The following SOX13 variants were observed in gnomAD, a reference collection of about 807,000 sequenced individuals.
SOX13 encodes the protein SRY-box transcription factor 13, also known as transcription factor SOX-13.
A neutral mutation model predicts 71.8 loss-of-function variants in SOX13; 28 were observed. That is an observed-to-expected ratio of 0.39 (90% CI 0.29 to 0.53). SOX13 has a LOEUF of 0.53. SOX13 is among the 20% of genes least tolerant of loss of function. The pLI, the probability that SOX13 is intolerant of heterozygous loss-of-function variation, is 0.70. For synonymous variants in SOX13, 309 were observed against 317.8 expected, an observed-to-expected ratio of 0.97 and a Z score of 0.29; for missense variants, 627 against 810.3, an observed-to-expected ratio of 0.77 and a Z score of 2.75.
chr1:204,104,349 T>A (rs1205280522), intron 1 of SOX13, among the ~76,000 whole-genome samples: 1 of 152,212 alleles, frequency 6.6e-6, no homozygotes, highest in Non-Finnish European at 1.5e-5. Flanking sequence ...TGAGAGGGAC[T>A]CGCAGGAAAG....
At chr1:204,094,686 T>A (rs1656215379) in intron 1 of SOX13, among the ~76,000 whole-genome samples, 1 of 152,176 alleles carries the variant, frequency 6.6e-6, no homozygotes, top group African/African-American at 2.4e-5. Context: ...TGCCATCAGC[T>A]CTTCCTGCAC....
Position 204,123,840 on chromosome 1 carries a change from A to C in SOX13, c.1375+36A>C, listed in dbSNP as rs758601250. Reference sequence around the variant, plus strand: ...GTGGCTGGGGCCATGGTTCAGTGTGACCTGGTTGCAGGAGCCAGCTGGGTC... The same window carrying C: ...GTGGCTGGGGCCATGGTTCAGTGTGCCCTGGTTGCAGGAGCCAGCTGGGTC... On this transcript the variant is annotated intron_variant, in intron 12 of 13. Coordinates refer to ENST00000367204, the MANE Select transcript of SOX13 (RefSeq NM_005686.3). The surrounding 1 kb of genome is among the most constrained non-coding windows in gnomAD (Gnocchi z 5.0). 6.2e-7 allele frequency: 1 copy of C among 1,609,854 alleles called. No homozygotes were observed. Among genetic ancestry groups the C allele is most frequent in the South Asian group, 1.1e-5 (1 of 90,972 alleles).
chr1:204,097,713 A>G (rs902860695), intron 1 of SOX13, among the ~76,000 whole-genome samples: 1 of 151,692 alleles, frequency 6.6e-6, no homozygotes, highest in African/African-American at 2.4e-5. Context: ...AAAAAAGAAA[A>G]GAAAAGAAAA....
At chr1:204,124,579 T>A in intron 12 of SOX13, 62 bp from the exon 13 acceptor site, 1 of 1,428,506 alleles carries the variant, frequency 7.0e-7, no homozygotes, top group South Asian at 1.2e-5. Flanking sequence ...AGGTCCTGCA[T>A]GGGGCTGGGG....
At chr1:204,122,653 A>G (rs1280622578) in intron 9 of SOX13, 3 of 605,104 alleles carry the variant, frequency 5.0e-6, no homozygotes, top group South Asian at 2.0e-5. Flanking sequence ...GTCTATTGAC[A>G]TGCACAATAA....
chr1:204,091,213 A>T (rs1327205649), intron 1 of SOX13, among the ~76,000 whole-genome samples: 1 of 152,170 alleles, frequency 6.6e-6, no homozygotes, highest in African/African-American at 2.4e-5. Context: ...GTGGGTTCCC[A>T]GGGCTGCCAC....
chr1:204,086,976 G>A (rs1656035439), intron 1 of SOX13, among the ~76,000 whole-genome samples: 1 of 151,550 alleles, frequency 6.6e-6, no homozygotes, highest in South Asian at 2.1e-4. Context: ...AGGCTGGAGT[G>A]CAGTGGCGCG....
At chr1:204,107,313 C>T (rs753204348) in intron 1 of SOX13, among the ~76,000 whole-genome samples, 1 of 152,162 alleles carries the variant, frequency 6.6e-6, no homozygotes, top group African/African-American at 2.4e-5. Flanking sequence ...TCAAACCCTG[C>T]GGGTCTTCCA....
rs375819556 is a variant in SOX13 at position 204,127,172 on chromosome 1, C to T, written c.*1038C>T. The stretch of plus-strand genomic sequence containing the variant: ...CGCCCCTGGTCCCAACCTGATCCCA[C>T]GAGGGAGTTGGGACAGGAGGATTGA... On this transcript the variant is annotated 3_prime_UTR_variant, in exon 14 of 14. Transcript: ENST00000367204. 5 of 152,438 alleles carry T rather than the reference C, an allele frequency of 3.3e-5. No individual in the cohort carries two copies. Among genetic ancestry groups the T allele is most frequent in the Middle Eastern group, 3.4e-3 (1 of 294 alleles). 9.4% of individuals were successfully genotyped at this position (152,438 alleles called of 1,614,324 possible). A position where few individuals can be genotyped will look rare whatever the true frequency, so the allele number is the denominator to read the frequency against.
intron 1 of SOX13, among the ~76,000 whole-genome samples, chr1:204,089,130 T>A (rs1219896811): frequency 7.0e-6 from 1 of 142,040 alleles, no homozygotes; most frequent in East Asian, 2.1e-4. Context: ...ATTTATTACA[T>A]CCGGGTCTCC....
intron 1 of SOX13, among the ~76,000 whole-genome samples, chr1:204,076,518 A>C (rs555215946): frequency 1.2e-4 from 19 of 152,216 alleles, no homozygotes; most frequent in Admixed American, 6.5e-4. Context: ...TTCCACTTGC[A>C]GTTGGAGGAT....
At chr1:204,084,849 C>T (rs1655984703) in intron 1 of SOX13, among the ~76,000 whole-genome samples, 1 of 152,104 alleles carries the variant, frequency 6.6e-6, no homozygotes, top group African/African-American at 2.4e-5. Context: ...GGTGCATTAG[C>T]CTGAGAGGTA....
chr1:204,125,423 G>A (rs1656900629), intron 13 of SOX13, among the ~76,000 whole-genome samples: 1 of 152,030 alleles, frequency 6.6e-6, no homozygotes, highest in South Asian at 2.1e-4. Context: ...CAGGTGTGGT[G>A]GTTCACACCT....
At chr1:204,103,501 G>A (rs1233992738) in intron 1 of SOX13, among the ~76,000 whole-genome samples, 2 of 152,248 alleles carry the variant, frequency 1.3e-5, no homozygotes, top group Non-Finnish European at 2.9e-5. Context: ...GATTAAGCAG[G>A]AATGTGAATG....
intron 1 of SOX13, among the ~76,000 whole-genome samples, chr1:204,074,787 G>T (rs903736557): frequency 6.6e-6 from 1 of 152,112 alleles, no homozygotes; most frequent in African/African-American, 2.4e-5. Flanking sequence ...GCGCTGGAGC[G>T]GCGGCTCCCG....
rs6143576 is a variant in SOX13, at chr1:204,112,501, GCA to G, written c.-1-388_-1-387del. Among the ~76,000 whole-genome samples, 285 of 57,848 alleles carry G rather than the reference GCA, an allele frequency of 4.9e-3. 2 individuals are homozygous for G. The highest frequency in any genetic ancestry group is 0.029 in the East Asian group (46 of 1,560). The allele number at this position is 57,848 out of a possible 152,430, so 38.0% of individuals were successfully genotyped here. A position where few individuals can be genotyped will look rare whatever the true frequency, so the allele number is the denominator to read the frequency against. Reference sequence around the variant, plus strand: ...TGCACAGACACATGCACACATGCGTGCACACACACACACACACACACACACAC... The same window carrying G: ...TGCACAGACACATGCACACATGCGTGCACACACACACACACACACACACAC... On this transcript the variant is annotated intron_variant, in intron 1 of 13. Coordinates refer to ENST00000367204, the MANE Select transcript of SOX13 (RefSeq NM_005686.3).
chr1:204,103,655 T>G (rs1036385931), intron 1 of SOX13, among the ~76,000 whole-genome samples: 3 of 152,240 alleles, frequency 2.0e-5, no homozygotes, highest in African/African-American at 7.2e-5. Flanking sequence ...CTGCACAATT[T>G]CTGCATCTCC....
chr1:204,115,657 CTTTTTTTTTT>C (rs771014997), intron 4 of SOX13, among the ~76,000 whole-genome samples: 6 of 57,416 alleles, frequency 1.0e-4, no homozygotes, highest in African/African-American at 4.4e-4. Flanking sequence ...GCTTCTTCTT[CTTTTTTTTTT>C]TTTTTTTTTT....
chr1:204,094,980 T>C (rs975463963), intron 1 of SOX13, among the ~76,000 whole-genome samples: 3 of 152,092 alleles, frequency 2.0e-5, no homozygotes, highest in African/African-American at 7.2e-5. Context: ...CTCTTCCTCT[T>C]CCCAAGTGGC....
Sources: allele counts gnomAD v4.1 joint callset (sites outside exome capture counted in the v4.1 genomes callset), GRCh38; gene constraint gnomAD v4.1.1; non-coding constraint Gnocchi (gnomAD v3.1); transcripts MANE v1.5; gene names NCBI Gene and HGNC (gene_info 2026-07-23, HGNC 2026-07-21).